The following AP3B2 variants were observed in gnomAD, a reference collection of about 807,000 sequenced individuals.
AP3B2 encodes the protein AP-3 complex subunit beta-2.
A neutral mutation model predicts 126.9 loss-of-function variants in AP3B2; 50 were observed. The observed-to-expected ratio is 0.39, with a 90% CI of 0.31 to 0.50. The LOEUF (loss-of-function observed/expected upper bound fraction) is 0.50, where lower values mean the gene tolerates loss of function less well. AP3B2 is among the 20% of genes least tolerant of loss of function. The pLI, the probability that AP3B2 is intolerant of heterozygous loss-of-function variation, is 0.79. For synonymous variants in AP3B2, 541 were observed against 565.0 expected (o/e 0.96, Z 0.60); for missense variants, 1,177 against 1,426.4 (o/e 0.83, Z 2.82).
At chr15:82,688,894 C>A in intron 3 of AP3B2, 63 bp from the exon 4 acceptor site, 1 of 1,445,116 alleles carries the variant, frequency 6.9e-7, no homozygotes, top group Non-Finnish European at 9.5e-7. Context: ...CACCCCCCTA[C>A]CCCTGGGATG....
chr15:82,662,446 T>A, intron 23 of AP3B2, 194 bp from the exon 24 acceptor site: 1 of 645,970 alleles, frequency 1.5e-6, no homozygotes, highest in Non-Finnish European at 2.7e-6. Flanking sequence ...CCACTCACCC[T>A]CACCACATTT....
rs561805305 is a variant in AP3B2 at position 82,709,813 on chromosome 15, G to A, written c.-107C>T. 4 of 844,354 alleles carry A rather than the reference G, an allele frequency of 4.7e-6. No individual in the cohort carries two copies. The highest frequency in any genetic ancestry group is 6.7e-6 in the Non-Finnish European group (4 of 596,208). The allele number at this position is 844,354 out of a possible 1,614,324, so 52.3% of individuals were successfully genotyped here. A position where few individuals can be genotyped will look rare whatever the true frequency, so the allele number is the denominator to read the frequency against. ...TCCGGTCCGGGCTGGCGAAGGCGGC[G>A]GCGCGGCAGGGGTTCAGCAGAGGCT... On this transcript the variant is annotated 5_prime_UTR_variant, in exon 1 of 27. Coordinates refer to ENST00000535359, the MANE Select transcript of AP3B2 (RefSeq NM_001278512.2).
Position 82,680,408 on chromosome 15 carries a change from G to A in AP3B2, c.1055+64C>T, listed in dbSNP as rs1232880278. The A allele has an allele frequency of 6.9e-7, 1 of 1,446,016 alleles. No homozygotes were observed. The highest frequency in any genetic ancestry group is 2.5e-4 in the Middle Eastern group (1 of 3,982). 89.6% of individuals were successfully genotyped at this position (1,446,016 alleles called of 1,614,324 possible). A position where few individuals can be genotyped will look rare whatever the true frequency, so the allele number is the denominator to read the frequency against. ...CGGCTGGTGGGCGTGAGGGGGCGGA[G>A]CCGGGCAGCCCGTGGGGCGGGGCAG... On this transcript the variant is annotated intron_variant, in intron 8 of 26. Coordinates refer to ENST00000535359, the MANE Select transcript of AP3B2 (RefSeq NM_001278512.2). The surrounding 1 kb of genome is among the most constrained non-coding windows in gnomAD (Gnocchi z 6.1).
chr15:82,678,527 CTT>C (rs1180306333), intron 10 of AP3B2, among the ~76,000 whole-genome samples: 3 of 152,138 alleles, frequency 2.0e-5, no homozygotes, highest in Non-Finnish European at 4.4e-5. Flanking sequence ...CACTGTCCCC[CTT>C]GTCTTCCAGG....
intron 1 of AP3B2, among the ~76,000 whole-genome samples, chr15:82,693,527 G>A (rs2048582205): frequency 1.3e-5 from 2 of 152,028 alleles, no homozygotes; most frequent in Non-Finnish European, 2.9e-5. Context: ...GATTACAGGT[G>A]TGAGCCACCA....
chr15:82,666,955 G>A lies in AP3B2; in HGVS notation c.1666-22C>T, dbSNP rs776663777. 1.5e-5 allele frequency: 24 copies of A among 1,598,538 alleles called. No individual in the cohort carries two copies. In the East Asian group the frequency reaches 4.7e-4, roughly 31 times the overall value. On this transcript the variant is annotated intron_variant, in intron 14 of 26. Transcript: ENST00000535359. ...TGGTCTGGAGGAACAGGAAGAGGTG[G>A]GTCAGCTGACGGGGGGATGGGGACA...
rs1404625530 is a variant in AP3B2 at position 82,680,333 on chromosome 15, G to A, written c.1056-104C>T. The A allele has an allele frequency of 2.6e-6, 4 of 1,550,706 alleles. No individual in the cohort carries two copies. Among genetic ancestry groups the A allele is most frequent in the Non-Finnish European group, 3.5e-6 (4 of 1,142,062 alleles). On this transcript the variant is annotated intron_variant, in intron 8 of 26. Coordinates refer to ENST00000535359, the MANE Select transcript of AP3B2 (RefSeq NM_001278512.2). This position sits in a 1 kb window ranked among gnomAD's most constrained non-coding sequence, Gnocchi z 6.1. ...AAGTCGTTGCGGGGAGAGGACCAGT[G>A]CGGAGGGCAGGACTACGGTCAGTGT...
Position 82,689,220 on chromosome 15 carries a change from C to T in AP3B2, c.202G>A (p.Gly68Arg), listed in dbSNP as rs769528924. Residue 68 changes from glycine to arginine, a missense_variant, in exon 3 of 27, where the codon GGA becomes AGA. Around this residue, in one of 5 missense-constraint regions of AP3B2, gnomAD observed 130 missense variants for 262.0 expected, o/e 0.50. Transcript: ENST00000535359. ...MKRIVAMIARGKNASDLFPAV... is the reference protein window; with the variant it reads ...MKRIVAMIARRKNASDLFPAV... ...GGAAACAGGTCTGAAGCATTCTTTC[C>T]TCGGGCAATCATCTGGGTGGTGGGG... 1.8e-5 allele frequency: 29 copies of T among 1,613,872 alleles called. No homozygotes were observed. Among genetic ancestry groups the T allele is most frequent in the African/African-American group, 1.3e-5 (1 of 74,916 alleles).
At chr15:82,684,117 TG>T (rs2048388376) in intron 4 of AP3B2, among the ~76,000 whole-genome samples, 1 of 152,208 alleles carries the variant, frequency 6.6e-6, no homozygotes, top group South Asian at 2.1e-4. Flanking sequence ...AGTCACTAGC[TG>T]CATTGGCCCC....
intron 14 of AP3B2, among the ~76,000 whole-genome samples, chr15:82,667,206 C>T (rs2048073512): frequency 6.6e-6 from 1 of 152,190 alleles, no homozygotes; most frequent in African/African-American, 2.4e-5. Flanking sequence ...CCACTCCTGG[C>T]TCTGGACTCC....
At chr15:82,663,102 C>T (rs200692593) in intron 22 of AP3B2, 25 bp downstream of exon 22, 63 of 1,582,328 alleles carry the variant, frequency 4.0e-5, no homozygotes, top group Admixed American at 7.0e-5. Flanking sequence ...TGCCCCAGCC[C>T]GGTCCCCTCC....
At chr15:82,677,230 G>A (rs752911667) in intron 13 of AP3B2, 44 bp downstream of exon 13, 8 of 1,458,172 alleles carry the variant, frequency 5.5e-6, no homozygotes, top group Non-Finnish European at 6.7e-6. Context: ...GAAATCATGG[G>A]GAGGACCTTG....
chr15:82,668,307 G>A (rs4779041), intron 14 of AP3B2, among the ~76,000 whole-genome samples: 47,370 of 152,098 alleles, frequency 0.31, 8,185 homozygotes, highest in East Asian at 0.53. Context: ...CCAATCCCAT[G>A]CACCGCTAAT....
At position 82,680,146 on chromosome 15, in the gene AP3B2, G is replaced by A. The variant is rs1022025502; in HGVS notation, c.1110+29C>T. 1 of 1,612,444 alleles carries A rather than the reference G, an allele frequency of 6.2e-7. No homozygotes were observed. Among genetic ancestry groups the A allele is most frequent in the African/African-American group, 1.3e-5 (1 of 75,060 alleles). ...TGCCCGCAGAAGCGGCCCTCGGACA[G>A]CGAGGACAGCCCGCCGTCGCAGGCT... On this transcript the variant is annotated intron_variant, in intron 9 of 26. Transcript: ENST00000535359. The surrounding 1 kb of genome is among the most constrained non-coding windows in gnomAD (Gnocchi z 6.1).
chr15:82,693,515 G>A (rs903594514), intron 1 of AP3B2, among the ~76,000 whole-genome samples: 4 of 151,950 alleles, frequency 2.6e-5, no homozygotes, highest in African/African-American at 7.3e-5. Flanking sequence ...CCAAAGCGCT[G>A]AGATTACAGG....
intron 1 of AP3B2, among the ~76,000 whole-genome samples, chr15:82,706,927 C>T (rs2048805816): frequency 6.6e-6 from 1 of 152,168 alleles, no homozygotes. Flanking sequence ...TTTGCCTCTG[C>T]CCAGGACTGG....
rs183833442 is a variant in AP3B2, at chr15:82,664,474, A to C, written c.2154T>G (p.Ser718Arg). 1 of 1,613,056 alleles carries C rather than the reference A, an allele frequency of 6.2e-7. No homozygotes were observed. Among genetic ancestry groups the C allele is most frequent in the East Asian group, 2.2e-5 (1 of 44,858 alleles). The change falls in exon 19 of 27, where the codon AGT becomes AGG. Residue 718 changes from serine to arginine, a missense_variant. Coordinates refer to ENST00000535359, the MANE Select transcript of AP3B2 (RefSeq NM_001278512.2). The surrounding 1 kb of genome is among the most constrained non-coding windows in gnomAD (Gnocchi z 4.5). Reference protein sequence around the residue: ...ESADSDPESESESDSKSSSES... With the variant: ...ESADSDPESERESDSKSSSES... ...CACTGCTGCTCTTACTGTCCGATTC[A>C]CTCTCAGACTCAGGGTCTGTGGAGG... is the stretch of plus-strand genomic sequence containing the variant.
intron 14 of AP3B2, 35 bp downstream of exon 14, chr15:82,676,426 C>T: frequency 1.9e-6 from 3 of 1,605,452 alleles, no homozygotes; most frequent in South Asian, 1.1e-5. Context: ...TTTCTGGGGA[C>T]CAGAGTATCT....
chr15:82,693,913 C>G (rs1411458796), intron 1 of AP3B2, among the ~76,000 whole-genome samples: 2 of 152,130 alleles, frequency 1.3e-5, no homozygotes, highest in Admixed American at 6.5e-5. Context: ...GTTGGTCAGG[C>G]TGGTCTCAAA....
Sources: allele counts gnomAD v4.1 joint callset (sites outside exome capture counted in the v4.1 genomes callset), GRCh38; gene constraint gnomAD v4.1.1; regional missense constraint gnomAD v4.1.1; non-coding constraint Gnocchi (gnomAD v3.1); transcripts MANE v1.5; gene names NCBI Gene and HGNC (gene_info 2026-07-23, HGNC 2026-07-21).